The following UNC5D variants were observed in gnomAD, a reference collection of about 807,000 sequenced individuals.
UNC5D encodes the protein netrin receptor UNC5D.
In UNC5D, 39 loss-of-function variants were observed where a neutral mutation model predicts 105.4. The ratio of observed to expected loss-of-function variants is 0.37; its 90% confidence interval spans 0.29 to 0.48. The LOEUF (loss-of-function observed/expected upper bound fraction) is 0.48, where lower values mean the gene tolerates loss of function less well. Among genes scored for constraint, UNC5D ranks in the 20% least tolerant of loss-of-function variants. UNC5D has a pLI of 0.98. For synonymous variants in UNC5D, 452 were observed against 450.4 expected (o/e 1.00, Z -0.04); for missense variants, 991 against 1,202.4 (o/e 0.82, Z 2.60).
At chr8:35,680,687 A>G (rs1057303502) in intron 4 of UNC5D, among the ~76,000 whole-genome samples, 1 of 152,170 alleles carries the variant, frequency 6.6e-6, no homozygotes, top group Non-Finnish European at 1.5e-5. Flanking sequence ...CCTCTGAGCC[A>G]AGACTCCTTT....
chr8:35,536,462 A>C (rs530743204), intron 1 of UNC5D, among the ~76,000 whole-genome samples: 1 of 152,194 alleles, frequency 6.6e-6, no homozygotes, highest in East Asian at 1.9e-4. Flanking sequence ...GAAACTGAAA[A>C]CAAATCCCAT....
At chr8:35,505,079 A>AC (rs1812220070) in intron 1 of UNC5D, among the ~76,000 whole-genome samples, 2 of 152,300 alleles carry the variant, frequency 1.3e-5, no homozygotes, top group African/African-American at 4.8e-5. Flanking sequence ...GGTGATGTAT[A>AC]CCCCATACCC....
intron 1 of UNC5D, among the ~76,000 whole-genome samples, chr8:35,364,888 T>A (rs182634579): frequency 9.7e-4 from 148 of 152,328 alleles, no homozygotes; most frequent in African/African-American, 3.4e-3. Flanking sequence ...TTGAAATTTC[T>A]AACCCATACC....
intron 2 of UNC5D, among the ~76,000 whole-genome samples, chr8:35,565,423 G>A (rs752772024): frequency 2.6e-5 from 4 of 151,906 alleles, no homozygotes; most frequent in Non-Finnish European, 5.9e-5. Flanking sequence ...CTACTTTTTG[G>A]TGGGATTATT....
At chr8:35,678,494 T>C (rs1328205755) in intron 4 of UNC5D, among the ~76,000 whole-genome samples, 2 of 152,172 alleles carry the variant, frequency 1.3e-5, no homozygotes, top group African/African-American at 2.4e-5. Flanking sequence ...GAATTTGCCA[T>C]AATTAACTAT....
At chr8:35,380,589 T>C (rs1289166650) in intron 1 of UNC5D, among the ~76,000 whole-genome samples, 1 of 152,184 alleles carries the variant, frequency 6.6e-6, no homozygotes, top group Non-Finnish European at 1.5e-5. Flanking sequence ...ATATTGATTA[T>C]TCTTTTTATT....
chr8:35,455,911 T>A (rs1393383662), intron 1 of UNC5D, among the ~76,000 whole-genome samples: 1 of 152,064 alleles, frequency 6.6e-6, no homozygotes, highest in Non-Finnish European at 1.5e-5. Context: ...CCACAACACA[T>A]GAGAATTATG....
At chr8:35,624,326 C>G (rs1053654349) in intron 4 of UNC5D, among the ~76,000 whole-genome samples, 1 of 152,206 alleles carries the variant, frequency 6.6e-6, no homozygotes, top group African/African-American at 2.4e-5. Context: ...TTAAGAATAT[C>G]TTTCCGCACA....
At chr8:35,766,456 A>C (rs1268524053) in intron 14 of UNC5D, among the ~76,000 whole-genome samples, 2 of 152,178 alleles carry the variant, frequency 1.3e-5, no homozygotes, top group Non-Finnish European at 2.9e-5. Flanking sequence ...GTGTGGAGTT[A>C]AGTTCTGGCC....
At chr8:35,724,047 G>T in intron 9 of UNC5D, 1 of 1,084,842 alleles carries the variant, frequency 9.2e-7, no homozygotes, top group South Asian at 3.1e-5. Context: ...GACGCTGGTT[G>T]CTTCCTCTTA....
chr8:35,518,121 A>G (rs990888998), intron 1 of UNC5D, among the ~76,000 whole-genome samples: 14 of 152,194 alleles, frequency 9.2e-5, no homozygotes, highest in African/African-American at 3.1e-4. Context: ...AAATACTGAA[A>G]AAAAAAGCAC....
At chr8:35,440,847 T>A (rs1807346993) in intron 1 of UNC5D, among the ~76,000 whole-genome samples, 1 of 152,004 alleles carries the variant, frequency 6.6e-6, no homozygotes, top group African/African-American at 2.4e-5. Context: ...ATATTCGTGA[T>A]TCATGTGTTT....
chr8:35,554,617 C>T (rs1362082339), intron 2 of UNC5D, among the ~76,000 whole-genome samples: 3 of 152,184 alleles, frequency 2.0e-5, no homozygotes, highest in Non-Finnish European at 4.4e-5. Flanking sequence ...TAGTAAACAA[C>T]CACAAACCAA....
chr8:35,707,159 C>T (rs1026381113), intron 8 of UNC5D, among the ~76,000 whole-genome samples: 1 of 151,876 alleles, frequency 6.6e-6, no homozygotes, highest in Non-Finnish European at 1.5e-5. Flanking sequence ...GAATTAAGAC[C>T]CTGTGAGGAT....
chr8:35,700,657 G>A (rs982165841), intron 7 of UNC5D, among the ~76,000 whole-genome samples: 2 of 152,094 alleles, frequency 1.3e-5, no homozygotes, highest in South Asian at 2.1e-4. Flanking sequence ...ACAACAGCCT[G>A]AACAAAAGCT....
intron 3 of UNC5D, among the ~76,000 whole-genome samples, chr8:35,576,903 G>T (rs1295163362): frequency 6.6e-6 from 1 of 152,086 alleles, no homozygotes; most frequent in African/African-American, 2.4e-5. Flanking sequence ...ATGAGCCACC[G>T]CGCCTGGCAA....
intron 1 of UNC5D, among the ~76,000 whole-genome samples, chr8:35,359,700 C>G (rs559720063): frequency 6.6e-6 from 1 of 152,152 alleles, no homozygotes; most frequent in African/African-American, 2.4e-5. Context: ...TTTATTCAAA[C>G]TAAATTCTAC....
chr8:35,252,136 C>T (rs1803751761), intron 1 of UNC5D, among the ~76,000 whole-genome samples: 1 of 151,754 alleles, frequency 6.6e-6, no homozygotes, highest in African/African-American at 2.4e-5. Flanking sequence ...CATTCTCCAG[C>T]CTCAGCCTCC....
chr8:35,291,920 G>A lies in UNC5D; in HGVS notation c.103+56033G>A, dbSNP rs182605448. On this transcript the variant is annotated intron_variant, in intron 1 of 16. Transcript: ENST00000404895. ...TGTGTACTTCTTTGGAATGATTGCT[G>A]TTAGTTATGAGAAGAGATTGTACAG... Among the ~76,000 whole-genome samples, 22 of 152,244 alleles carry A rather than the reference G, an allele frequency of 1.4e-4. No homozygotes were observed. In the East Asian group the frequency reaches 3.7e-3, roughly 25 times the overall value.
Sources: gnomAD v4.1 joint callset for allele counts (sites outside exome capture counted in the v4.1 genomes callset) on GRCh38, gnomAD v4.1.1 for gene constraint, MANE v1.5 for transcripts, NCBI Gene and HGNC (gene_info 2026-07-23, HGNC 2026-07-21) for gene names.